GPHN: variants seen among roughly 807,000 people sequenced by gnomAD.
GPHN encodes gephyrin.
Under a neutral mutation model 95.5 loss-of-function variants are expected in GPHN, and 17 were observed. The ratio of observed to expected loss-of-function variants is 0.18; its 90% CI spans 0.12 to 0.27. The LOEUF (loss-of-function observed/expected upper bound fraction) is 0.27, where lower values mean the gene tolerates loss of function less well. GPHN is among the 10% of genes least tolerant of loss of function. The probability of loss-of-function intolerance (pLI) is 1.00; values close to 1 mark genes in which losing one functional copy is unlikely to be tolerated. For synonymous variants in GPHN, 320 were observed against 322.5 expected, an observed-to-expected ratio of 0.99 and a Z score of 0.08; for missense variants, 660 against 978.1, an observed-to-expected ratio of 0.67 and a Z score of 4.34.
intron 1 of GPHN, among the ~76,000 whole-genome samples, chr14:66,595,019 T>C (rs2061913782): frequency 6.6e-6 from 1 of 152,162 alleles, no homozygotes. Flanking sequence ...AAATAAGACA[T>C]ATAATTGGCC....
chr14:66,902,620 A>T (rs1486119278), intron 5 of GPHN, among the ~76,000 whole-genome samples: 1 of 152,112 alleles, frequency 6.6e-6, no homozygotes, highest in Admixed American at 6.6e-5. Flanking sequence ...ATATATTGAA[A>T]TAATCATAGG....
intron 1 of GPHN, among the ~76,000 whole-genome samples, chr14:66,520,882 C>T (rs961616354): frequency 1.1e-4 from 16 of 152,010 alleles, no homozygotes; most frequent in African/African-American, 3.4e-4. Context: ...AAGCAGGCCC[C>T]AGTGTCTGTC....
intron 9 of GPHN, 142 bp from the exon 10 acceptor site, chr14:67,023,491 T>G: frequency 1.6e-6 from 1 of 625,598 alleles, no homozygotes; most frequent in Non-Finnish European, 2.9e-6. Flanking sequence ...AAGTATAACA[T>G]TTTTACTAAC....
At chr14:66,568,189 T>G (rs1444749050) in intron 1 of GPHN, among the ~76,000 whole-genome samples, 1 of 152,196 alleles carries the variant, frequency 6.6e-6, no homozygotes, top group African/African-American at 2.4e-5. Flanking sequence ...AAAAGAAAAT[T>G]TGTAGAATGT....
chr14:67,365,457 A>G, the GPHN span, among the ~76,000 whole-genome samples: 5 of 152,254 alleles, frequency 3.3e-5, no homozygotes, highest in Non-Finnish European at 7.3e-5. Flanking sequence ...TGAAAAAGCA[A>G]TATACTATGC....
intron 1 of GPHN, among the ~76,000 whole-genome samples, chr14:66,642,664 G>C (rs1451028131): frequency 6.6e-6 from 1 of 151,460 alleles, no homozygotes; most frequent in Non-Finnish European, 1.5e-5. Flanking sequence ...GAGCTGCAAA[G>C]TTTGTTCTAA....
intron 1 of GPHN, among the ~76,000 whole-genome samples, chr14:66,644,035 G>A (rs1056937136): frequency 1.3e-5 from 2 of 151,838 alleles, no homozygotes; most frequent in Non-Finnish European, 2.9e-5. Flanking sequence ...TTATTTGGGG[G>A]CTTTACATTA....
chr14:66,872,749 G>C (rs746808120), intron 4 of GPHN, among the ~76,000 whole-genome samples: 2 of 151,908 alleles, frequency 1.3e-5, no homozygotes. Context: ...TACAAAATTA[G>C]CCAGGCATGG....
At chr14:67,314,704 A>G in the GPHN span, among the ~76,000 whole-genome samples, 2 of 152,226 alleles carry the variant, frequency 1.3e-5, no homozygotes, top group East Asian at 1.9e-4. Flanking sequence ...TATAGATTCC[A>G]ATGATGACAT....
chr14:67,320,314 T>A, the GPHN span: 2 of 1,614,062 alleles, frequency 1.2e-6, no homozygotes, highest in Non-Finnish European at 1.7e-6. Context: ...ATCATCTTGA[T>A]TGGTCCACAG....
At chr14:67,595,554 T>A in the GPHN span, among the ~76,000 whole-genome samples, 1 of 152,210 alleles carries the variant, frequency 6.6e-6, no homozygotes, top group East Asian at 1.9e-4. Context: ...CTTCTGCCAA[T>A]GACTGCTTTA....
the GPHN span, chr14:67,569,064 T>C: frequency 9.6e-7 from 1 of 1,046,728 alleles, no homozygotes; most frequent in Non-Finnish European, 1.5e-6. Flanking sequence ...GCCATGCTTT[T>C]TCCTGCACAT....
At chr14:66,624,062 A>G (rs1035557115) in intron 1 of GPHN, among the ~76,000 whole-genome samples, 2 of 152,162 alleles carry the variant, frequency 1.3e-5, no homozygotes, top group African/African-American at 2.4e-5. Context: ...TTCCACTCCC[A>G]GTACTCTCTG....
chr14:66,923,616 T>C (rs1445148914), intron 7 of GPHN, among the ~76,000 whole-genome samples: 1 of 152,194 alleles, frequency 6.6e-6, no homozygotes, highest in Non-Finnish European at 1.5e-5. Flanking sequence ...GAACATGGTT[T>C]ATTCTTCATA....
At chr14:67,393,832 C>A in the GPHN span, among the ~76,000 whole-genome samples, 5 of 152,168 alleles carry the variant, frequency 3.3e-5, no homozygotes, top group Admixed American at 6.5e-5. Context: ...TTTATCTAAC[C>A]TCCCCAGTGG....
At chr14:67,663,476 A>G in the GPHN span, among the ~76,000 whole-genome samples, 2 of 152,038 alleles carry the variant, frequency 1.3e-5, no homozygotes, top group Non-Finnish European at 2.9e-5. Flanking sequence ...GATCGAGACC[A>G]TCCTGCCTAA....
At chr14:66,613,565 C>T (rs1412042020) in intron 1 of GPHN, among the ~76,000 whole-genome samples, 2 of 152,116 alleles carry the variant, frequency 1.3e-5, no homozygotes, top group Non-Finnish European at 2.9e-5. Flanking sequence ...CTGCTCCGTA[C>T]ACATCTACAA....
chr14:67,572,664 TCACAATCCTCTTGGGGTCATTAGCC>T, the GPHN span, among the ~76,000 whole-genome samples: 1 of 152,154 alleles, frequency 6.6e-6, no homozygotes, highest in South Asian at 2.1e-4. Context: ...TCATTTGTCC[TCACAATCCTCTTGGGGTCATTAGCC>T]CATCTTATGG....
intron 1 of GPHN, among the ~76,000 whole-genome samples, chr14:66,580,171 T>G (rs906486917): frequency 5.3e-5 from 8 of 151,786 alleles, no homozygotes; most frequent in African/African-American, 1.9e-4. Context: ...ACCTTGACAC[T>G]AATGAAAGTG....
Sources: allele counts gnomAD v4.1 joint callset (sites outside exome capture counted in the v4.1 genomes callset), GRCh38; gene constraint gnomAD v4.1.1; transcripts MANE v1.5; gene names NCBI Gene and HGNC (gene_info 2026-07-23, HGNC 2026-07-21).